Variants in CELF2 observed in about 807,000 individuals in gnomAD.
CELF2 encodes the protein CUGBP Elav-like family member 2, also known as CUG triplet repeat RNA-binding protein 2.
A neutral mutation model predicts 62.6 loss-of-function variants in CELF2; 8 were observed. That is an observed-to-expected ratio of 0.13 (90% CI 0.07 to 0.23). The LOEUF (loss-of-function observed/expected upper bound fraction) is 0.23. Ranked by LOEUF, CELF2 falls within the 10% of genes least tolerant of loss-of-function variation. CELF2 has a pLI of 1.00. For synonymous variants in CELF2, 258 were observed against 250.0 expected, an observed-to-expected ratio of 1.03 and a Z score of -0.30; for missense variants, 333 against 671.0, an observed-to-expected ratio of 0.50 and a Z score of 5.56.
chr10:11,108,325 G>T (rs557106809), intron 1 of CELF2, among the ~76,000 whole-genome samples: 1 of 148,148 alleles, frequency 6.8e-6, no homozygotes, highest in African/African-American at 2.5e-5. Flanking sequence ...CTACATGAAT[G>T]GGATTGTGGA....
At chr10:10,882,359 A>T (rs942581706) in intron 1 of CELF2, among the ~76,000 whole-genome samples, 7 of 152,334 alleles carry the variant, frequency 4.6e-5, no homozygotes, top group Admixed American at 4.6e-4. Flanking sequence ...AGCAGAACTG[A>T]AATGTGGTTT....
the CELF2 span, among the ~76,000 whole-genome samples, chr10:10,527,938 T>C: frequency 6.6e-6 from 1 of 152,210 alleles, no homozygotes; most frequent in Non-Finnish European, 1.5e-5. Context: ...AGCTTTTTCA[T>C]TTCATTTTGA....
the CELF2 span, among the ~76,000 whole-genome samples, chr10:10,644,046 C>G: frequency 3.3e-5 from 5 of 152,288 alleles, no homozygotes; most frequent in South Asian, 6.2e-4. Context: ...CAGCATCCCC[C>G]AAACCCAAGC....
At chr10:10,890,672 A>G (rs558419756) in intron 1 of CELF2, among the ~76,000 whole-genome samples, 1 of 152,306 alleles carries the variant, frequency 6.6e-6, no homozygotes, top group African/African-American at 2.4e-5. Flanking sequence ...CCATGCGCAA[A>G]GTGTTTCTTC....
intron 1 of CELF2, among the ~76,000 whole-genome samples, chr10:11,084,844 A>G (rs1011831798): frequency 6.6e-6 from 1 of 152,236 alleles, no homozygotes; most frequent in African/African-American, 2.4e-5. Flanking sequence ...CAAAGAGGTC[A>G]TTATCGTCAA....
At chr10:11,013,237 TGA>T (rs2056750368), upstream of CELF2, among the ~76,000 whole-genome samples, 1 of 152,090 alleles carries the variant, frequency 6.6e-6, no homozygotes. The surrounding 1 kb of genome is among the most constrained non-coding windows in gnomAD (Gnocchi z 4.1). Context: ...GGCTCCCATT[TGA>T]GAGAGAGGAG....
intron 9 of CELF2, among the ~76,000 whole-genome samples, chr10:11,293,072 G>C (rs546944481): frequency 6.6e-6 from 1 of 152,254 alleles, no homozygotes; most frequent in Admixed American, 6.5e-5. Context: ...GACCACCTCC[G>C]CCCTTCCATC....
intron 3 of CELF2, among the ~76,000 whole-genome samples, chr10:11,234,778 C>T (rs183069828): frequency 6.6e-6 from 1 of 151,936 alleles, no homozygotes; most frequent in Non-Finnish European, 1.5e-5. Flanking sequence ...CCATCGCAAT[C>T]CTTTCCATCA....
chr10:10,832,202 A>G (rs1038144410), intron 1 of CELF2, among the ~76,000 whole-genome samples: 2 of 151,930 alleles, frequency 1.3e-5, no homozygotes, highest in African/African-American at 4.8e-5. Flanking sequence ...CAGGAGGCGG[A>G]GGTTCCAGTG....
the CELF2 span, among the ~76,000 whole-genome samples, chr10:10,494,035 G>A: frequency 1.3e-5 from 2 of 152,096 alleles, no homozygotes; most frequent in Non-Finnish European, 1.5e-5. Context: ...GTGTTTCCAG[G>A]GTAAAATCTC....
chr10:10,657,799 C>A, the CELF2 span, among the ~76,000 whole-genome samples: 1 of 152,058 alleles, frequency 6.6e-6, no homozygotes, highest in Non-Finnish European at 1.5e-5. Context: ...GTTGGGGATA[C>A]AAGATGTTCA....
At chr10:11,200,039 C>T (rs1466444982) in intron 2 of CELF2, among the ~76,000 whole-genome samples, 2 of 152,178 alleles carry the variant, frequency 1.3e-5, no homozygotes, top group Non-Finnish European at 2.9e-5. Flanking sequence ...TTTGTTGACA[C>T]GCCTTCTGGA....
rs66721705 is a variant in CELF2 at position 10,828,000 on chromosome 10, TAAAAAA to T, written c.53+29202_53+29207del. ...TCATACCCGTCAGGAAGGCTAGTCT[TAAAAAA>T]AAAAAAAAAAAAAAAAAAGCAGAAA... is the stretch of plus-strand genomic sequence containing the variant. On this transcript the variant is annotated intron_variant, in intron 1 of 13. Transcript: ENST00000636488. Among the ~76,000 whole-genome samples, 66 of 60,716 alleles carry T rather than the reference TAAAAAA, an allele frequency of 1.1e-3. 1 individual carries two copies. The highest frequency in any genetic ancestry group is 7.0e-3 in the Admixed American group (30 of 4,284). The allele number at this position is 60,716 out of a possible 152,430, so 39.8% of individuals were successfully genotyped here.
chr10:10,632,354 AACTG>A, the CELF2 span, among the ~76,000 whole-genome samples: 15 of 152,276 alleles, frequency 9.9e-5, no homozygotes, highest in African/African-American at 2.4e-4. Flanking sequence ...TGACGTTCAC[AACTG>A]ACTATTTCTA....
intron 10 of CELF2, among the ~76,000 whole-genome samples, chr10:11,320,651 A>G (rs961019364): frequency 6.6e-6 from 1 of 152,130 alleles, no homozygotes; most frequent in African/African-American, 2.4e-5. Context: ...CTGCAGGTCC[A>G]CTGGTTCCGA....
chr10:11,007,505 T>C (rs1291203742), intron 1 of CELF2, among the ~76,000 whole-genome samples: 1 of 152,236 alleles, frequency 6.6e-6, no homozygotes, highest in African/African-American at 2.4e-5. Flanking sequence ...TCAAAACATA[T>C]GTGCAGCATA....
chr10:10,991,200 G>A (rs2053400293), intron 2 of CELF2, among the ~76,000 whole-genome samples: 1 of 152,178 alleles, frequency 6.6e-6, no homozygotes, highest in Non-Finnish European at 1.5e-5. Context: ...ATCCTTGTGG[G>A]TATTTGTGGT....
At chr10:10,629,923 C>T in the CELF2 span, among the ~76,000 whole-genome samples, 871 of 140,178 alleles carry the variant, frequency 6.2e-3, 2 homozygotes, top group Non-Finnish European at 8.6e-3. Flanking sequence ...AAACAATAGC[C>T]TATTAGATGT....
chr10:10,783,871 C>T, the CELF2 span, among the ~76,000 whole-genome samples: 2 of 152,086 alleles, frequency 1.3e-5, no homozygotes, highest in Non-Finnish European at 2.9e-5. Flanking sequence ...ACCTGTAGTC[C>T]CAGCTACTTG....
Sources: allele counts gnomAD v4.1 joint callset (sites outside exome capture counted in the v4.1 genomes callset), GRCh38; gene constraint gnomAD v4.1.1; non-coding constraint Gnocchi (gnomAD v3.1); transcripts MANE v1.5; gene names NCBI Gene and HGNC (gene_info 2026-07-23, HGNC 2026-07-21).